MSH4: variants seen among roughly 807,000 people sequenced by gnomAD.
MSH4 encodes the protein mutS protein homolog 4.
In MSH4, 106 loss-of-function variants were observed where a neutral mutation model predicts 113.7. The observed-to-expected ratio is 0.93, with a 90% confidence interval of 0.80 to 1.10. The LOEUF is 1.10. MSH4 is among the 50% of genes least tolerant of loss of function. The pLI is 0.00. For missense variants in MSH4, 1,061 were observed against 1,093.7 expected (o/e 0.97, Z 0.42); for synonymous variants, 368 against 380.2 (o/e 0.97, Z 0.37).
rs1246337483 is a variant in MSH4 at position 75,883,604 on chromosome 1, C to T, written c.1907-17C>T. 2 of 1,590,486 alleles carry T rather than the reference C, an allele frequency of 1.3e-6. No individual in the cohort carries two copies. Among genetic ancestry groups the T allele is most frequent in the East Asian group, 4.5e-5 (2 of 44,546 alleles). On this transcript the variant is annotated splice_polypyrimidine_tract_variant and intron_variant, in intron 14 of 19. Coordinates refer to ENST00000263187, the MANE Select transcript of MSH4 (RefSeq NM_002440.4). The stretch of plus-strand genomic sequence containing the variant: ...AATATATTAATCTTTAAAAACCATT[C>T]TATTTTTTTTCTTAAGTTCGACCAG...
chr1:75,806,542 C>G (rs1650072180), intron 2 of MSH4, among the ~76,000 whole-genome samples: 1 of 151,976 alleles, frequency 6.6e-6, no homozygotes, highest in African/African-American at 2.4e-5. Context: ...CCACCGCGCC[C>G]GGCCTTTTCT....
intron 15 of MSH4, among the ~76,000 whole-genome samples, chr1:75,887,798 T>TTGTTTA: frequency 6.6e-6 from 1 of 152,084 alleles, no homozygotes; most frequent in East Asian, 1.9e-4. Context: ...AATGGACAGT[T>TTGTTTA]TGTTTATGTT....
At chr1:75,806,753 A>G (rs2100505916) in intron 2 of MSH4, among the ~76,000 whole-genome samples, 1 of 152,064 alleles carries the variant, frequency 6.6e-6, no homozygotes, top group African/African-American at 2.4e-5. Context: ...TTCCATGTAA[A>G]TTTTGGGCCA....
chr1:75,822,656 T>C, intron 7 of MSH4, 75 bp downstream of exon 7: 1 of 815,946 alleles, frequency 1.2e-6, no homozygotes, highest in Non-Finnish European at 1.7e-6. Flanking sequence ...TTTCCATGTT[T>C]CTGAAAGACA....
intron 16 of MSH4, 45 bp from the exon 17 acceptor site, chr1:75,890,651 A>G (rs1263209693): frequency 9.6e-7 from 1 of 1,045,250 alleles, no homozygotes; most frequent in Non-Finnish European, 1.3e-6. Flanking sequence ...TGATATTGAC[A>G]GCTGTTTGGT....
chr1:75,880,208 CTG>C, intron 13 of MSH4, 55 bp downstream of exon 13: 1 of 920,492 alleles, frequency 1.1e-6, no homozygotes, highest in South Asian at 1.7e-5. Flanking sequence ...ATTTGAGAAA[CTG>C]TTACAATTGT....
At chr1:75,833,893 A>G (rs1650766787) in intron 7 of MSH4, among the ~76,000 whole-genome samples, 1 of 152,218 alleles carries the variant, frequency 6.6e-6, no homozygotes, top group Non-Finnish European at 1.5e-5. Context: ...TCATGACTAA[A>G]ACACCAAAAG....
At chr1:75,860,659 G>C (rs1338423632) in intron 8 of MSH4, among the ~76,000 whole-genome samples, 4 of 152,188 alleles carry the variant, frequency 2.6e-5, no homozygotes, top group Non-Finnish European at 5.9e-5. Context: ...GCTTCCCTTT[G>C]TGGGTAACCT....
chr1:75,910,622 G>T (rs963272533), intron 19 of MSH4, among the ~76,000 whole-genome samples: 1 of 151,846 alleles, frequency 6.6e-6, no homozygotes, highest in Non-Finnish European at 1.5e-5. Context: ...AAGTTTCTAA[G>T]ATTTTTGCCC....
intron 8 of MSH4, among the ~76,000 whole-genome samples, chr1:75,867,257 C>A (rs939198072): frequency 6.6e-6 from 1 of 151,998 alleles, no homozygotes; most frequent in Admixed American, 6.6e-5. Context: ...TAAATTGAAC[C>A]CAAGAGATTG....
At chr1:75,838,058 A>T (rs1240162055) in intron 7 of MSH4, among the ~76,000 whole-genome samples, 2 of 152,238 alleles carry the variant, frequency 1.3e-5, no homozygotes, top group South Asian at 2.1e-4. Context: ...GATATAAAAC[A>T]TCACCACAAA....
intron 10 of MSH4, 24 bp from the exon 11 acceptor site, chr1:75,878,125 T>C: frequency 6.7e-7 from 1 of 1,494,046 alleles, no homozygotes; most frequent in Non-Finnish European, 9.0e-7. Flanking sequence ...GCCTATAATG[T>C]TTTTCTTTTG....
chr1:75,890,702 T>G lies in MSH4; in HGVS notation c.2233T>G (p.Tyr745Asp). Residue 745 changes from tyrosine (Y) to aspartate (D), a missense_variant, in exon 17 of 20, where the codon TAT (tyrosine) becomes GAT (aspartate). Coordinates refer to ENST00000263187, the MANE Select transcript of MSH4 (RefSeq NM_002440.4). ...TFMKEMKEIA[Y>D]ILHNANDKSL... ...TTAAAATTATATATTTCAGATAGCA[T>G]ATATTCTACATAATGCTAATGACAA... The G allele has an allele frequency of 6.5e-7, 1 of 1,527,214 alleles. No individual in the cohort carries two copies. Among genetic ancestry groups the G allele is most frequent in the Non-Finnish European group, 9.0e-7 (1 of 1,115,968 alleles). 94.6% of individuals were successfully genotyped at this position (1,527,214 alleles called of 1,614,324 possible). A position where few individuals can be genotyped will look rare whatever the true frequency, so the allele number is the denominator to read the frequency against.
chr1:75,813,378 T>C (rs980686948), intron 4 of MSH4, among the ~76,000 whole-genome samples: 15 of 152,314 alleles, frequency 9.8e-5, no homozygotes, highest in African/African-American at 3.4e-4. Context: ...ATTTGAATAG[T>C]AAGGCAGTAT....
chr1:75,894,994 A>C (rs1017842407), intron 17 of MSH4, among the ~76,000 whole-genome samples: 1 of 152,104 alleles, frequency 6.6e-6, no homozygotes, highest in African/African-American at 2.4e-5. Flanking sequence ...ATCACTCACC[A>C]TTACCCCTAG....
chr1:75,869,890 G>A (rs1263814651), intron 9 of MSH4, among the ~76,000 whole-genome samples: 1 of 152,228 alleles, frequency 6.6e-6, no homozygotes. Context: ...TAGTGGATCT[G>A]TGAGAAGAGG....
chr1:75,876,677 A>G (rs2100569024), intron 9 of MSH4, among the ~76,000 whole-genome samples: 1 of 152,182 alleles, frequency 6.6e-6, no homozygotes, highest in African/African-American at 2.4e-5. Flanking sequence ...GGGTGTTAAC[A>G]ATTAGTAGAG....
intron 7 of MSH4, among the ~76,000 whole-genome samples, chr1:75,826,302 G>T (rs1650551499): frequency 6.6e-6 from 1 of 151,926 alleles, no homozygotes; most frequent in East Asian, 1.9e-4. Context: ...TGTGGGATCA[G>T]TGGTGATATC....
intron 15 of MSH4, 46 bp from the exon 16 acceptor site, chr1:75,889,205 T>C (rs1261972468): frequency 3.4e-6 from 3 of 894,804 alleles, no homozygotes; most frequent in Non-Finnish European, 3.6e-6. Flanking sequence ...TTAGTAATTA[T>C]ATTTTATAAA....
Sources: gnomAD v4.1 joint callset for allele counts (sites outside exome capture counted in the v4.1 genomes callset) on GRCh38, gnomAD v4.1.1 for gene constraint, MANE v1.5 for transcripts, NCBI Gene and HGNC (gene_info 2026-07-23, HGNC 2026-07-21) for gene names.